The following PPP2R2B variants were observed in gnomAD, a reference collection of about 807,000 sequenced individuals.
PPP2R2B encodes the protein protein phosphatase 2 regulatory subunit Bbeta.
In PPP2R2B, 5 loss-of-function variants were observed where a neutral mutation model predicts 46.0. The observed-to-expected ratio is 0.11, with a 90% CI of 0.06 to 0.23. The LOEUF (loss-of-function observed/expected upper bound fraction) is 0.23. Among genes scored for constraint, PPP2R2B ranks in the 10% least tolerant of loss-of-function variants. PPP2R2B has a pLI of 1.00. For missense variants in PPP2R2B, 367 were observed against 575.0 expected, an observed-to-expected ratio of 0.64 and a Z score of 3.70; for synonymous variants, 215 against 206.7, an observed-to-expected ratio of 1.04 and a Z score of -0.34.
intron 2 of PPP2R2B, among the ~76,000 whole-genome samples, chr5:146,813,791 G>A (rs1757769926): frequency 6.6e-6 from 1 of 152,230 alleles, no homozygotes; most frequent in East Asian, 1.9e-4. Context: ...CAGCAGGAAG[G>A]AAAACTGGTG....
intron 6 of PPP2R2B, among the ~76,000 whole-genome samples, chr5:146,648,266 A>G (rs986068617): frequency 6.6e-6 from 1 of 152,170 alleles, no homozygotes; most frequent in Non-Finnish European, 1.5e-5. Context: ...GGGGAGCTGC[A>G]AATGAAAGAG....
chr5:147,060,223 T>C (rs185319876), upstream of PPP2R2B, among the ~76,000 whole-genome samples: 92 of 152,280 alleles, frequency 6.0e-4, no homozygotes, highest in Non-Finnish European at 7.4e-5. Flanking sequence ...CCACATACCA[T>C]GTTCCTCTTT....
chr5:146,874,248 C>T lies in PPP2R2B; in HGVS notation c.70+3754G>A, dbSNP rs759010370. Among the ~76,000 whole-genome samples the T allele has an allele frequency of 1.2e-3, 180 of 152,274 alleles. 1 individual carries two copies. Among genetic ancestry groups the T allele is most frequent in the South Asian group, 8.3e-4 (4 of 4,818 alleles). On this transcript the variant is annotated intron_variant, in intron 2 of 9. Coordinates refer to ENST00000394411, the MANE Select transcript of PPP2R2B (RefSeq NM_181675.4). Reference sequence around the variant, plus strand: ...GAAAGATCCCTGAGGACAGAGACCACGTCTGTATTGGAACATCCCGTATCA... The same window carrying T: ...GAAAGATCCCTGAGGACAGAGACCATGTCTGTATTGGAACATCCCGTATCA...
chr5:147,077,275 T>TATACAC (rs1286822851), intron 2 of PPP2R2B, among the ~76,000 whole-genome samples: 45 of 140,504 alleles, frequency 3.2e-4, no homozygotes, highest in African/African-American at 9.1e-4. Context: ...TATGTGTGTA[T>TATACAC]ACACACACAC....
intron 7 of PPP2R2B, among the ~76,000 whole-genome samples, chr5:146,616,296 T>G (rs2151044766): frequency 6.6e-6 from 1 of 152,222 alleles, no homozygotes; most frequent in East Asian, 1.9e-4. Context: ...AAGAAAACAC[T>G]GGGGAAAGTC....
chr5:146,606,835 G>A (rs145330345), intron 7 of PPP2R2B: 1,748 of 152,252 alleles, frequency 0.011, 23 homozygotes, highest in Admixed American at 0.021. Flanking sequence ...CTGTGATGAC[G>A]CGGGCAGATG....
chr5:146,694,800 ATTTC>A (rs1459139064), intron 4 of PPP2R2B, among the ~76,000 whole-genome samples: 1 of 149,282 alleles, frequency 6.7e-6, no homozygotes, highest in Non-Finnish European at 1.5e-5. Context: ...AAATTTTGTG[ATTTC>A]TTTTATATTT....
chr5:146,590,398 GTT>G (rs1221281341), intron 9 of PPP2R2B, among the ~76,000 whole-genome samples, 172 bp from the exon 10 acceptor site: 9 of 113,406 alleles, frequency 7.9e-5, no homozygotes, highest in African/African-American at 9.7e-5. Context: ...TTTTTTTTGT[GTT>G]TTTTTTTTTT....
chr5:146,836,665 AC>A (rs1759301580), intron 2 of PPP2R2B, among the ~76,000 whole-genome samples: 1 of 152,202 alleles, frequency 6.6e-6, no homozygotes, highest in Non-Finnish European at 1.5e-5. Context: ...CAAAATGCAA[AC>A]ATTTGTGGGA....
chr5:146,806,860 TAA>T lies in PPP2R2B; in HGVS notation c.70+71140_70+71141del, dbSNP rs34191998. ...GACACTGCCGCCACCTGAGGAAGTATAAAAGTGCCCCCGACAGGGGAGCAGGC... is the reference window on the plus strand; with the variant it reads ...GACACTGCCGCCACCTGAGGAAGTATAAGTGCCCCCGACAGGGGAGCAGGC... On this transcript the variant is annotated intron_variant, in intron 2 of 9. Coordinates refer to ENST00000394411, the MANE Select transcript of PPP2R2B (RefSeq NM_181675.4). Among the ~76,000 whole-genome samples, 19 of 152,320 alleles carry T rather than the reference TAA, an allele frequency of 1.2e-4. No homozygotes were observed. The East Asian group carries it at 2.7e-3, about 22-fold the overall frequency.
intron 1 of PPP2R2B, among the ~76,000 whole-genome samples, chr5:146,892,353 T>G (rs1306122773): frequency 6.6e-6 from 1 of 152,176 alleles, no homozygotes; most frequent in East Asian, 1.9e-4. Flanking sequence ...TAATAATTCC[T>G]CATATTGACA....
At chr5:146,762,629 T>C (rs888066729) in intron 2 of PPP2R2B, among the ~76,000 whole-genome samples, 3 of 152,232 alleles carry the variant, frequency 2.0e-5, no homozygotes, top group African/African-American at 7.2e-5. Context: ...TTCATCTCCA[T>C]ATATCCAGAG....
chr5:146,837,005 C>G lies in PPP2R2B; in HGVS notation c.70+40997G>C, dbSNP rs553354680. 1.1e-4 allele frequency among the ~76,000 whole-genome samples: 16 copies of G among 152,080 alleles called. 1 individual carries two copies. In the South Asian group the frequency reaches 3.3e-3, roughly 32 times the overall value. On this transcript the variant is annotated intron_variant, in intron 2 of 9. Coordinates refer to ENST00000394411, the MANE Select transcript of PPP2R2B (RefSeq NM_181675.4). ...GTGCTACGCCAACAACTAGCAGCAC[C>G]AATAATAGTGATAAATAGTATCCTG...
At chr5:147,018,893 G>A (rs543249370) in intron 1 of PPP2R2B, among the ~76,000 whole-genome samples, 7 of 152,248 alleles carry the variant, frequency 4.6e-5, no homozygotes, top group African/African-American at 1.7e-4. Context: ...GATGATGGTG[G>A]TTATTATTTT....
chr5:146,718,719 C>G (rs1249313369), intron 2 of PPP2R2B, among the ~76,000 whole-genome samples: 2 of 152,216 alleles, frequency 1.3e-5, no homozygotes, highest in African/African-American at 4.8e-5. Context: ...CAATCGAACA[C>G]CAGAGACTGG....
At chr5:146,842,761 A>G (rs781115514) in intron 2 of PPP2R2B, among the ~76,000 whole-genome samples, 3 of 152,148 alleles carry the variant, frequency 2.0e-5, no homozygotes, top group Non-Finnish European at 4.4e-5. Flanking sequence ...CTGTTCCTGC[A>G]TCAGTTTGCT....
At chr5:146,647,352 C>A (rs1355114410) in intron 6 of PPP2R2B, among the ~76,000 whole-genome samples, 3 of 152,164 alleles carry the variant, frequency 2.0e-5, no homozygotes, top group South Asian at 2.1e-4. Context: ...GGAAATGAGA[C>A]CTGCCTGGTG....
At chr5:146,837,594 G>A (rs1387287041) in intron 2 of PPP2R2B, among the ~76,000 whole-genome samples, 6 of 152,108 alleles carry the variant, frequency 3.9e-5, no homozygotes, top group Admixed American at 2.0e-4. Context: ...AGTAAAAAAA[G>A]GTAAAATTAA....
chr5:146,616,862 C>T (rs1470382277), intron 7 of PPP2R2B: 2 of 152,204 alleles, frequency 1.3e-5, no homozygotes, highest in East Asian at 1.9e-4. Context: ...AGCAATCCCA[C>T]TCCTTATGTA....
Sources: gnomAD v4.1 joint callset for allele counts (sites outside exome capture counted in the v4.1 genomes callset) on GRCh38, gnomAD v4.1.1 for gene constraint, MANE v1.5 for transcripts, NCBI Gene and HGNC (gene_info 2026-07-23, HGNC 2026-07-21) for gene names.